The following SLC25A48 variants were observed in gnomAD, a reference collection of about 807,000 sequenced individuals.
SLC25A48 encodes the protein CTC-321K16.1.
Under a neutral mutation model 32.2 loss-of-function variants are expected in SLC25A48, and 29 were observed. The observed-to-expected ratio is 0.90, with a 90% confidence interval of 0.67 to 1.23. The LOEUF is 1.23. SLC25A48 is among the 50% of genes most tolerant of loss of function. SLC25A48 has a pLI of 0.00. For synonymous variants in SLC25A48, 164 were observed against 172.3 expected, an observed-to-expected ratio of 0.95 and a Z score of 0.38; for missense variants, 399 against 422.7, an observed-to-expected ratio of 0.94 and a Z score of 0.49.
chr5:135,853,713 T>A (rs750415232), intron 4 of SLC25A48, among the ~76,000 whole-genome samples: 3 of 152,196 alleles, frequency 2.0e-5, no homozygotes, highest in Non-Finnish European at 4.4e-5. Flanking sequence ...AGGGTTGGGG[T>A]TAACTACTTC....
At chr5:135,770,250 G>T (rs1468167923) in intron 3 of SLC25A48, among the ~76,000 whole-genome samples, 1 of 150,556 alleles carries the variant, frequency 6.6e-6, no homozygotes, top group African/African-American at 2.4e-5. Flanking sequence ...AGGAGGAGAG[G>T]ATGATATTAC....
intron 4 of SLC25A48, among the ~76,000 whole-genome samples, chr5:135,825,503 T>G (rs922474713): frequency 1.2e-4 from 19 of 152,150 alleles, no homozygotes; most frequent in Non-Finnish European, 1.2e-4. Flanking sequence ...GTGACATTGC[T>G]GAGTGCTTCC....
Position 135,711,260 on chromosome 5 carries a change from A to G in SLC25A48, c.-521+76304A>G, listed in dbSNP as rs17168955. On this transcript the variant is annotated intron_variant, in intron 3 of 10. Coordinates refer to the SLC25A48 transcript ENST00000646290. ...GCAACCTTGATTAATGCATCACACAAGCAACATGCACTTTGGGAAGCTTGG... is the reference window on the plus strand; with the variant it reads ...GCAACCTTGATTAATGCATCACACAGGCAACATGCACTTTGGGAAGCTTGG... 6.3e-4 allele frequency among the ~76,000 whole-genome samples: 96 copies of G among 152,356 alleles called. No individual in the cohort carries two copies. In the East Asian group the frequency reaches 0.018, roughly 28 times the overall value.
chr5:135,733,112 C>A (rs1164491050), intron 3 of SLC25A48, among the ~76,000 whole-genome samples: 1 of 152,154 alleles, frequency 6.6e-6, no homozygotes, highest in Non-Finnish European at 1.5e-5. Flanking sequence ...GACACATAGT[C>A]CTTTTGCAAG....
intron 4 of SLC25A48, among the ~76,000 whole-genome samples, chr5:135,859,273 G>T (rs1375284641): frequency 1.3e-5 from 2 of 152,136 alleles, no homozygotes; most frequent in African/African-American, 4.8e-5. Flanking sequence ...GAGGAGCAAA[G>T]TCACGTCTTA....
intron 3 of SLC25A48, among the ~76,000 whole-genome samples, chr5:135,776,311 C>T (rs1013899363): frequency 1.0e-4 from 15 of 149,860 alleles, no homozygotes; most frequent in Non-Finnish European, 7.4e-5. Flanking sequence ...CATTATCACA[C>T]GGGGTATACA....
Position 135,622,594 on chromosome 5 carries a change from A to C in SLC25A48, c.-848-6643A>C, listed in dbSNP as rs368734824. ...ATATAAGCTATATATAGCATGATTC[A>C]TTTTTTTAATTAAAAATAATCAGAG... On this transcript the variant is annotated intron_variant, in intron 1 of 10. Transcript: ENST00000646290. Among the ~76,000 whole-genome samples, 27 of 152,288 alleles carry C rather than the reference A, an allele frequency of 1.8e-4. 1 individual carries two copies. Among genetic ancestry groups the C allele is most frequent in the African/African-American group, 6.3e-4 (26 of 41,570 alleles).
intron 4 of SLC25A48, among the ~76,000 whole-genome samples, chr5:135,869,636 A>G (rs1266724250): frequency 3.9e-5 from 6 of 152,196 alleles, no homozygotes; most frequent in Non-Finnish European, 8.8e-5. Context: ...CAAAATTTAT[A>G]CATTGGGACA....
rs768313855 is a variant in SLC25A48, at chr5:135,834,909, G to A, written c.46+16G>A. 6.3e-7 allele frequency: 1 copy of A among 1,598,748 alleles called. No homozygotes were observed. The highest frequency in any genetic ancestry group is 2.3e-5 in the East Asian group (1 of 44,350). ...TGGATCGGAGGTGAGTGTGCTTACC[G>A]GGGACCCCCGGTCAGAGAGAGCGAG... On this transcript the variant is annotated intron_variant, in intron 1 of 7. Transcript: ENST00000681962.
At chr5:135,602,142 G>A (rs886205188) in intron 1 of SLC25A48, among the ~76,000 whole-genome samples, 3 of 152,142 alleles carry the variant, frequency 2.0e-5, no homozygotes, top group African/African-American at 7.2e-5. Flanking sequence ...CCTATAACAT[G>A]GTGAGAATCA....
At chr5:135,641,563 T>G (rs1666547577) in intron 3 of SLC25A48, among the ~76,000 whole-genome samples, 1 of 152,184 alleles carries the variant, frequency 6.6e-6, no homozygotes, top group African/African-American at 2.4e-5. Flanking sequence ...CAGTTCTTAT[T>G]AATACTAACT....
At chr5:135,796,268 G>A (rs927159743) in intron 3 of SLC25A48, among the ~76,000 whole-genome samples, 3 of 151,392 alleles carry the variant, frequency 2.0e-5, no homozygotes, top group Non-Finnish European at 3.0e-5. Flanking sequence ...CCGCGATGTG[G>A]TTCACAATAT....
chr5:135,811,643 A>G (rs1222764438), intron 3 of SLC25A48, among the ~76,000 whole-genome samples: 1 of 152,250 alleles, frequency 6.6e-6, no homozygotes, highest in East Asian at 1.9e-4. Flanking sequence ...TCAAAAGATC[A>G]GGTTTTACAT....
chr5:135,835,283 G>T, intron 1 of SLC25A48: 1 of 447,484 alleles, frequency 2.2e-6, no homozygotes, highest in Non-Finnish European at 4.5e-6. Flanking sequence ...GGTAGCGCTT[G>T]GCTGCTGATC....
upstream of SLC25A48, chr5:135,834,639 G>A: frequency 1.7e-6 from 1 of 577,144 alleles, no homozygotes; most frequent in South Asian, 2.3e-5. Flanking sequence ...TCCACTGGGG[G>A]CGTGATGTCA....
intron 3 of SLC25A48, among the ~76,000 whole-genome samples, chr5:135,769,816 G>A (rs75313315): frequency 7.3e-5 from 11 of 151,476 alleles, no homozygotes; most frequent in South Asian, 4.2e-4. Flanking sequence ...TCCCAACATC[G>A]CAGGGAGTTT....
At chr5:135,785,729 A>G (rs1266525232) in intron 3 of SLC25A48, among the ~76,000 whole-genome samples, 1 of 144,958 alleles carries the variant, frequency 6.9e-6, no homozygotes, top group East Asian at 2.2e-4. Context: ...GGAGAGGGTG[A>G]TGTTACTCTC....
chr5:135,727,942 T>C (rs1008154031), intron 3 of SLC25A48, among the ~76,000 whole-genome samples: 3 of 152,158 alleles, frequency 2.0e-5, no homozygotes, highest in Non-Finnish European at 4.4e-5. Flanking sequence ...TTGATAGAAA[T>C]TTTGTGTTCT....
At chr5:135,792,831 G>T (rs1247463072) in intron 3 of SLC25A48, among the ~76,000 whole-genome samples, 1 of 151,430 alleles carries the variant, frequency 6.6e-6, no homozygotes, top group African/African-American at 2.4e-5. Flanking sequence ...ATTACAGTCA[G>T]TGTACACCCA....
Sources: allele counts gnomAD v4.1 joint callset (sites outside exome capture counted in the v4.1 genomes callset), GRCh38; gene constraint gnomAD v4.1.1; transcripts MANE v1.5; gene names NCBI Gene and HGNC (gene_info 2026-07-23, HGNC 2026-07-21).